Variants in USH2A observed in about 807,000 individuals in gnomAD.
USH2A encodes the protein Usher syndrome 2A (autosomal recessive, mild).
A neutral mutation model predicts 538.9 loss-of-function variants in USH2A; 443 were observed. The ratio of observed to expected loss-of-function variants is 0.82; its 90% CI spans 0.76 to 0.89. The LOEUF (loss-of-function observed/expected upper bound fraction) is 0.89. USH2A is among the 40% of genes least tolerant of loss of function. USH2A has a pLI of 0.00. For synonymous variants in USH2A, 2,413 were observed against 2,273.5 expected, an observed-to-expected ratio of 1.06 and a Z score of -1.75; for missense variants, 6,633 against 6,324.8, an observed-to-expected ratio of 1.05 and a Z score of -1.65.
chr1:216,344,989 C>A (rs981012056), intron 4 of USH2A, among the ~76,000 whole-genome samples: 1 of 151,466 alleles, frequency 6.6e-6, no homozygotes, highest in African/African-American at 2.4e-5. Context: ...ACTTGGGGAG[C>A]TTTTTCCTCC....
intron 44 of USH2A, among the ~76,000 whole-genome samples, chr1:215,866,418 C>A (rs2102439983): frequency 6.6e-6 from 1 of 152,172 alleles, no homozygotes; most frequent in Non-Finnish European, 1.5e-5. Flanking sequence ...CAGGGTCGAC[C>A]CTGCATTATT....
At position 216,192,614 on chromosome 1, in the gene USH2A, A is replaced by G. The variant is rs562991452; in HGVS notation, c.4252-2247T>C. On this transcript the variant is annotated intron_variant, in intron 19 of 71. Transcript: ENST00000307340. ...CTACTTGGAAGGCTGAAGCACAAGA[A>G]TTGCTTGAACCCAGGAAGAGAAGAT... Among the ~76,000 whole-genome samples, 19 of 152,186 alleles carry G rather than the reference A, an allele frequency of 1.2e-4. No homozygotes were observed. In the East Asian group the frequency reaches 3.7e-3, roughly 29 times the overall value.
chr1:215,718,711 G>A lies in USH2A; in HGVS notation c.12066+9319C>T, dbSNP rs933684748. Among the ~76,000 whole-genome samples the A allele has an allele frequency of 3.4e-5, 5 of 145,252 alleles. No individual in the cohort carries two copies. In the Admixed American group the frequency reaches 3.6e-4, roughly 10 times the overall value. ...CACCCATAAGCCCTTGCAGAGCTAA[G>A]GATATGATCTCTTGGCTGTAATAGG... On this transcript the variant is annotated intron_variant, in intron 61 of 71. Transcript: ENST00000307340.
At chr1:215,665,210 G>A (rs1195176439) in intron 64 of USH2A, among the ~76,000 whole-genome samples, 1 of 152,052 alleles carries the variant, frequency 6.6e-6, no homozygotes, top group Non-Finnish European at 1.5e-5. Flanking sequence ...TCTTGTTTGG[G>A]GGCAGTGTTG....
intron 11 of USH2A, among the ~76,000 whole-genome samples, chr1:216,263,466 G>A (rs1252726937): frequency 6.6e-6 from 1 of 152,024 alleles, no homozygotes; most frequent in East Asian, 1.9e-4. Context: ...GATTCAATAT[G>A]AGCAAATTGA....
chr1:215,719,261 T>G (rs1659582399), intron 61 of USH2A, among the ~76,000 whole-genome samples: 1 of 147,750 alleles, frequency 6.8e-6, no homozygotes, highest in Admixed American at 7.0e-5. Flanking sequence ...GAGAACTACA[T>G]ATAGGGTGGA....
At chr1:216,164,379 C>T (rs1035074480) in intron 21 of USH2A, among the ~76,000 whole-genome samples, 3 of 152,056 alleles carry the variant, frequency 2.0e-5, no homozygotes, top group African/African-American at 7.2e-5. Flanking sequence ...GGAAAGTTCT[C>T]TGACTTGAAA....
At position 215,625,885 on chromosome 1, in the gene USH2A, AATC is replaced by A; in HGVS notation, c.15520-18_15520-16del. The A allele has an allele frequency of 1.1e-5, 18 of 1,611,286 alleles. No individual in the cohort carries two copies. The highest frequency in any genetic ancestry group is 1.4e-5 in the Non-Finnish European group (17 of 1,177,404). The stretch of plus-strand genomic sequence containing the variant: ...TCATCCACATACTGAAAAATAAGCC[AATC>A]ATCATTGGCTACATACTTGCTATCA... On this transcript the variant is annotated splice_polypyrimidine_tract_variant and intron_variant, in intron 71 of 71. Coordinates refer to ENST00000307340, the MANE Select transcript of USH2A (RefSeq NM_206933.4).
At chr1:216,039,719 G>T (rs76888258) in intron 32 of USH2A, among the ~76,000 whole-genome samples, 23 of 152,058 alleles carry the variant, frequency 1.5e-4, no homozygotes, top group Admixed American at 1.1e-3. Context: ...TGCTGATAAG[G>T]TTCCTTATAA....
chr1:216,369,282 A>G (rs1408859787), intron 3 of USH2A, among the ~76,000 whole-genome samples: 2 of 152,202 alleles, frequency 1.3e-5, no homozygotes, highest in African/African-American at 4.8e-5. Flanking sequence ...AATCACATGT[A>G]TGTTGTATTC....
At chr1:215,716,095 A>C (rs986668310) in intron 61 of USH2A, among the ~76,000 whole-genome samples, 2 of 152,134 alleles carry the variant, frequency 1.3e-5, no homozygotes, top group Non-Finnish European at 2.9e-5. Context: ...TATCTCTACA[A>C]ATAACTGTCA....
chr1:216,376,407 C>G (rs923522449), intron 3 of USH2A, among the ~76,000 whole-genome samples: 1 of 151,556 alleles, frequency 6.6e-6, no homozygotes, highest in Non-Finnish European at 1.5e-5. Flanking sequence ...TGTGGGAAAA[C>G]AGAAAAAAAC....
chr1:216,317,273 T>G (rs1055033625), intron 9 of USH2A, among the ~76,000 whole-genome samples: 3 of 152,182 alleles, frequency 2.0e-5, no homozygotes, highest in African/African-American at 7.2e-5. Context: ...GTCATTATTC[T>G]CAGCAAAATA....
chr1:216,377,041 CT>C (rs2038835606), intron 3 of USH2A, among the ~76,000 whole-genome samples: 1 of 151,982 alleles, frequency 6.6e-6, no homozygotes, highest in Non-Finnish European at 1.5e-5. Flanking sequence ...CATTTTGTGT[CT>C]TCTTAGATTT....
chr1:216,324,120 T>C, intron 7 of USH2A, 48 bp downstream of exon 7: 4 of 1,584,180 alleles, frequency 2.5e-6, no homozygotes, highest in Non-Finnish European at 3.4e-6. Context: ...TTGTACATTA[T>C]TAATAACCAA....
chr1:216,362,100 A>G (rs2038501407), intron 4 of USH2A, among the ~76,000 whole-genome samples: 1 of 152,044 alleles, frequency 6.6e-6, no homozygotes, highest in South Asian at 2.1e-4. Context: ...TTTTATATTT[A>G]TGCACTATCT....
chr1:216,078,491 G>C, intron 26 of USH2A, 129 bp from the exon 27 acceptor site: 1 of 818,304 alleles, frequency 1.2e-6, no homozygotes, highest in Non-Finnish European at 2.0e-6. Context: ...ATAGAAATGT[G>C]TCACTCTACC....
At chr1:215,933,209 G>C (rs1222968048) in intron 38 of USH2A, among the ~76,000 whole-genome samples, 1 of 151,842 alleles carries the variant, frequency 6.6e-6, no homozygotes, top group Non-Finnish European at 1.5e-5. Flanking sequence ...TTTGAGTAAA[G>C]GATATTATAT....
In USH2A at chr1:215,733,841, G is replaced by T. The variant is rs1216914865; in HGVS notation, c.11712-5457C>A. 2.6e-5 allele frequency among the ~76,000 whole-genome samples: 4 copies of T among 152,352 alleles called. No homozygotes were observed. In the South Asian group the frequency reaches 8.3e-4, roughly 32 times the overall value. On this transcript the variant is annotated intron_variant, in intron 60 of 71. Transcript: ENST00000307340. ...TAAGGCTTTGGGTAGCTTCAACCCT[G>T]TGGTTTTGCAGAGTGCAGACCCTGT...
Sources: allele counts gnomAD v4.1 joint callset (sites outside exome capture counted in the v4.1 genomes callset), GRCh38; gene constraint gnomAD v4.1.1; transcripts MANE v1.5; gene names NCBI Gene and HGNC (gene_info 2026-07-23, HGNC 2026-07-21).